The following DNAH3 variants were observed in gnomAD, a reference collection of about 807,000 sequenced individuals.
DNAH3 encodes the protein dynein axonemal heavy chain 3.
In DNAH3, 332 loss-of-function variants were observed where a neutral mutation model predicts 432.5. That is an observed-to-expected ratio of 0.77 (90% CI 0.70 to 0.84). The LOEUF is 0.84. Ranked by LOEUF, DNAH3 falls within the 40% of genes least tolerant of loss-of-function variation. DNAH3 has a pLI of 0.00. For missense variants in DNAH3, 4,861 were observed against 5,114.0 expected (o/e 0.95, Z 1.51); for synonymous variants, 1,956 against 1,900.2 (o/e 1.03, Z -0.76).
intron 27 of DNAH3, among the ~76,000 whole-genome samples, chr16:21,055,051 T>G (rs1438419147): frequency 1.4e-5 from 2 of 147,730 alleles, no homozygotes; most frequent in Non-Finnish European, 3.0e-5. Context: ...AAAGGAGCTA[T>G]AAAAACAAAA....
chr16:21,098,274 T>C (rs1355227546), intron 17 of DNAH3, among the ~76,000 whole-genome samples: 2 of 151,142 alleles, frequency 1.3e-5, no homozygotes, highest in Non-Finnish European at 3.0e-5. Context: ...AAACTCTCTA[T>C]TAAAAATACA....
chr16:21,013,443 G>A (rs926619974), intron 41 of DNAH3, among the ~76,000 whole-genome samples: 4 of 152,144 alleles, frequency 2.6e-5, no homozygotes, highest in Admixed American at 1.3e-4. Flanking sequence ...GAATGAGGCT[G>A]GGCGCAGTGG....
chr16:20,933,746 G>A (rs1215933135), intron 61 of DNAH3, among the ~76,000 whole-genome samples: 1 of 152,192 alleles, frequency 6.6e-6, no homozygotes, highest in Admixed American at 6.5e-5. Context: ...CACTCAAGTA[G>A]GAGTCACATT....
At chr16:20,936,567 T>A (rs574332727) in intron 60 of DNAH3, 82 bp downstream of exon 60, 23 of 1,282,554 alleles carry the variant, frequency 1.8e-5, no homozygotes, top group Non-Finnish European at 2.5e-5. Flanking sequence ...CTCCTCCCCC[T>A]GCCTCTAGTC....
chr16:21,110,673 AGTT>A, intron 14 of DNAH3, among the ~76,000 whole-genome samples: 1 of 152,318 alleles, frequency 6.6e-6, no homozygotes, highest in South Asian at 2.1e-4. Context: ...TCTAACACGT[AGTT>A]GTCAGTAAAA....
intron 27 of DNAH3, among the ~76,000 whole-genome samples, chr16:21,055,756 T>A (rs1037551699): frequency 2.0e-5 from 3 of 151,032 alleles, no homozygotes; most frequent in African/African-American, 7.3e-5. Flanking sequence ...TTTTTTTTTT[T>A]TTTTTTTGAG....
exon 23 of DNAH3, chr16:21,069,470 T>G: frequency 6.2e-7 from 1 of 1,614,158 alleles, no homozygotes; most frequent in Non-Finnish European, 8.5e-7. Flanking sequence ...TTTCCTCCCC[T>G]CTTCTGGCAT....
At chr16:21,037,723 G>C (rs748484915) in intron 34 of DNAH3, 38 bp downstream of exon 34, 1 of 1,565,816 alleles carries the variant, frequency 6.4e-7, no homozygotes, top group African/African-American at 1.4e-5. Context: ...CCAACATTGA[G>C]CCTTGGTCCT....
chr16:21,039,842 T>C lies in DNAH3; in HGVS notation c.4730+10A>G, dbSNP rs1302804498. Reference sequence around the variant, plus strand: ...CCTTTAGAATGCACTGGAAAACCCATGTAACACACCTTCTGGAGTCCAGAA... The same window carrying C: ...CCTTTAGAATGCACTGGAAAACCCACGTAACACACCTTCTGGAGTCCAGAA... On this transcript the variant is annotated intron_variant, in intron 33 of 61. Transcript: ENST00000261383. 1.9e-6 allele frequency: 3 copies of C among 1,600,390 alleles called. No individual in the cohort carries two copies. Among genetic ancestry groups the C allele is most frequent in the African/African-American group, 1.3e-5 (1 of 74,590 alleles).
rs748157321 is a variant in DNAH3, at chr16:21,070,762, G to GTC, written c.3147_3148dup (p.Thr1050ArgfsTer14). On this transcript the variant is annotated frameshift_variant, in exon 22 of 62. Coordinates refer to ENST00000261383, the Ensembl canonical transcript of DNAH3. LOFTEE classifies it high-confidence loss of function. ...GAATGGGGAGCCACACATGGTCTGG[G>GTC]TCTTTATCACGTGATCATCAAGTAG... The GTC allele has an allele frequency of 6.8e-6, 11 of 1,613,416 alleles. No homozygotes were observed. Among genetic ancestry groups the GTC allele is most frequent in the African/African-American group, 4.0e-5 (3 of 74,864 alleles).
intron 1 of DNAH3, among the ~76,000 whole-genome samples, chr16:21,151,714 CA>C (rs1767559370): frequency 6.6e-6 from 1 of 152,064 alleles, no homozygotes; most frequent in Non-Finnish European, 1.5e-5. Flanking sequence ...TGGCTAACAT[CA>C]ATATTACGAT....
intron 20 of DNAH3, among the ~76,000 whole-genome samples, chr16:21,078,865 T>A (rs948628290): frequency 3.9e-5 from 6 of 152,168 alleles, no homozygotes; most frequent in African/African-American, 1.4e-4. Context: ...ACATGCAATA[T>A]CACACCTCCC....
At chr16:21,154,510 T>C (rs144497461) in intron 1 of DNAH3, among the ~76,000 whole-genome samples, 9 of 152,364 alleles carry the variant, frequency 5.9e-5, no homozygotes, top group African/African-American at 2.2e-4. Flanking sequence ...GTTTTAAGTC[T>C]ACTAGTGTTT....
intron 52 of DNAH3, among the ~76,000 whole-genome samples, chr16:20,965,800 C>T (rs981954668): frequency 6.6e-6 from 1 of 152,064 alleles, no homozygotes; most frequent in Non-Finnish European, 1.5e-5. Context: ...GCAACCTTCG[C>T]CTCCTGGGTT....
At chr16:21,075,602 A>C in intron 20 of DNAH3, 41 bp from the exon 21 acceptor site, 1 of 1,479,376 alleles carries the variant, frequency 6.8e-7, no homozygotes, top group Non-Finnish European at 9.5e-7. Flanking sequence ...AACAGGAGGC[A>C]GAGAAGACAC....
At chr16:21,031,889 G>C (rs904147105) in intron 36 of DNAH3, among the ~76,000 whole-genome samples, 1 of 152,132 alleles carries the variant, frequency 6.6e-6, no homozygotes, top group Non-Finnish European at 1.5e-5. Context: ...TTAGCTGGGC[G>C]TGGTGGCGCA....
chr16:21,104,674 C>CA, intron 15 of DNAH3, 80 bp from the exon 16 acceptor site: 1 of 800,502 alleles, frequency 1.2e-6, no homozygotes, highest in Non-Finnish European at 2.1e-6. Flanking sequence ...TTAGACAGAA[C>CA]AAGAGGTCAA....
intron 44 of DNAH3, among the ~76,000 whole-genome samples, chr16:20,995,057 CCCT>C (rs2152685140): frequency 6.6e-6 from 1 of 151,992 alleles, no homozygotes; most frequent in East Asian, 1.9e-4. Context: ...TGCCTCAGCC[CCCT>C]AAGTAGCTGG....
At chr16:21,114,975 A>G (rs993674712) in intron 12 of DNAH3, among the ~76,000 whole-genome samples, 1 of 152,212 alleles carries the variant, frequency 6.6e-6, no homozygotes, top group African/African-American at 2.4e-5. Flanking sequence ...CACAATAGCA[A>G]AGACTTGGAA....
Sources: allele counts gnomAD v4.1 joint callset (sites outside exome capture counted in the v4.1 genomes callset), GRCh38; gene constraint gnomAD v4.1.1; transcripts MANE v1.5; gene names NCBI Gene and HGNC (gene_info 2026-07-23, HGNC 2026-07-21).